Variants in DYNC2I2 observed in about 807,000 individuals in gnomAD.
The protein encoded by DYNC2I2 is cytoplasmic dynein 2 intermediate chain 2.
Under a neutral mutation model 52.0 loss-of-function variants are expected in DYNC2I2, and 39 were observed. That is an observed-to-expected ratio of 0.75 (90% CI 0.58 to 0.98). DYNC2I2 has a LOEUF of 0.98. Ranked by LOEUF, DYNC2I2 falls within the 50% of genes least tolerant of loss-of-function variation. DYNC2I2 has a pLI of 0.00. For missense variants in DYNC2I2, 743 were observed against 728.4 expected (o/e 1.02, Z -0.23); for synonymous variants, 359 against 321.1 (o/e 1.12, Z -1.26).
upstream of DYNC2I2, among the ~76,000 whole-genome samples, chr9:128,660,675 A>G (rs1860907480): frequency 1.3e-5 from 2 of 152,054 alleles, no homozygotes; most frequent in Non-Finnish European, 2.9e-5. Context: ...GATTATAGGC[A>G]TGGGCCACCA....
chr9:128,646,610 CTT>C (rs1056950949), intron 1 of DYNC2I2, among the ~76,000 whole-genome samples: 57 of 152,206 alleles, frequency 3.7e-4, no homozygotes, highest in South Asian at 2.1e-4. Context: ...GGCTGACTCT[CTT>C]GTTAGGGGCT....
rs964992082 is a variant in DYNC2I2, at chr9:128,636,233, G to A, written c.703+48C>T. On this transcript the variant is annotated intron_variant, in intron 4 of 8. Transcript: ENST00000372715. ...CTCCCTTGTGCCCTCTGCAGGGCGG[G>A]AAGCTGAGTCCTGAGAGGAGAGGAG... 3 of 1,551,510 alleles carry A rather than the reference G, an allele frequency of 1.9e-6. No individual in the cohort carries two copies. In the African/African-American group the frequency reaches 4.1e-5, roughly 21 times the overall value.
At chr9:128,671,744 T>G in the DYNC2I2 span, among the ~76,000 whole-genome samples, 1 of 150,740 alleles carries the variant, frequency 6.6e-6, no homozygotes. Context: ...CTCTGCCTCC[T>G]GGGTTCAAGC....
intron 1 of DYNC2I2, among the ~76,000 whole-genome samples, chr9:128,645,454 A>G (rs919827287): frequency 6.7e-6 from 1 of 150,322 alleles, no homozygotes; most frequent in Admixed American, 6.7e-5. Flanking sequence ...TCTGTCTCAA[A>G]AAAAAAAAAA....
upstream of DYNC2I2, among the ~76,000 whole-genome samples, chr9:128,661,614 G>C (rs1474008803): frequency 6.6e-6 from 1 of 151,952 alleles, no homozygotes; most frequent in Non-Finnish European, 1.5e-5. Flanking sequence ...GTGAAACTCT[G>C]TCTCAGAAAA....
chr9:128,642,935 G>A (rs1007480740), intron 1 of DYNC2I2, among the ~76,000 whole-genome samples: 2 of 152,132 alleles, frequency 1.3e-5, no homozygotes, highest in African/African-American at 2.4e-5. Context: ...GCAGAGGCAC[G>A]AGAAAGGAAG....
chr9:128,674,886 C>G, the DYNC2I2 span, among the ~76,000 whole-genome samples: 2 of 152,000 alleles, frequency 1.3e-5, no homozygotes, highest in African/African-American at 2.4e-5. Flanking sequence ...CCAATGATAA[C>G]TTTTTAAGGA....
chr9:128,668,404 G>A, the DYNC2I2 span, among the ~76,000 whole-genome samples: 8 of 152,036 alleles, frequency 5.3e-5, no homozygotes, highest in African/African-American at 1.9e-4. Flanking sequence ...TGGCCAGGAT[G>A]GTCTCCATCT....
At chr9:128,635,000 G>GGGA in intron 6 of DYNC2I2, 79 bp from the exon 7 acceptor site, 2 of 1,586,842 alleles carry the variant, frequency 1.3e-6, no homozygotes, top group Admixed American at 3.4e-5. Flanking sequence ...AGAACAGGAG[G>GGGA]GGAGATCACA....
chr9:128,660,789 G>A (rs1327092489), upstream of DYNC2I2, among the ~76,000 whole-genome samples: 1 of 151,858 alleles, frequency 6.6e-6, no homozygotes, highest in African/African-American at 2.4e-5. Context: ...AAGTGTAGTG[G>A]CACAATCTCG....
chr9:128,657,679 G>T (rs567589359), upstream of DYNC2I2, among the ~76,000 whole-genome samples: 1 of 151,986 alleles, frequency 6.6e-6, no homozygotes, highest in Admixed American at 6.6e-5. Flanking sequence ...ATGGTGGCAC[G>T]TGCCTGTAGT....
intron 1 of DYNC2I2, among the ~76,000 whole-genome samples, chr9:128,643,949 G>A (rs1860565046): frequency 6.6e-6 from 1 of 152,172 alleles, no homozygotes. Flanking sequence ...CCCAGAGCTG[G>A]AGGAGGCTGC....
At chr9:128,635,328 T>A (rs780634383) in intron 5 of DYNC2I2, 69 bp from the exon 6 acceptor site, 1 of 1,514,278 alleles carries the variant, frequency 6.6e-7, no homozygotes, top group Non-Finnish European at 8.9e-7. Context: ...GCTCCACCCC[T>A]ACCCTCCCTC....
At chr9:128,649,104 T>C (rs193207342) in intron 1 of DYNC2I2, among the ~76,000 whole-genome samples, 15 of 152,300 alleles carry the variant, frequency 9.8e-5, no homozygotes, top group Admixed American at 7.9e-4. Context: ...CGGTGATGAC[T>C]GTGCACTGGA....
At chr9:128,653,471 T>C (rs1225137671) in intron 1 of DYNC2I2, among the ~76,000 whole-genome samples, 1 of 150,856 alleles carries the variant, frequency 6.6e-6, no homozygotes, top group Non-Finnish European at 1.5e-5. Flanking sequence ...TCCCAGCACT[T>C]TGGGTGGCCG....
At chr9:128,665,359 G>C in the DYNC2I2 span, among the ~76,000 whole-genome samples, 3,843 of 152,058 alleles carry the variant, frequency 0.025, 167 homozygotes, top group African/African-American at 0.088. Context: ...CCAAATCTGT[G>C]AATTTCAAAG....
the DYNC2I2 span, among the ~76,000 whole-genome samples, chr9:128,665,114 G>A: frequency 3.4e-5 from 5 of 147,670 alleles, no homozygotes; most frequent in Non-Finnish European, 7.4e-5. Context: ...GTACATTGGC[G>A]CAATCTCGGC....
chr9:128,656,741 C>T lies in DYNC2I2; in HGVS notation c.-15G>A. ...CGGGTTGCCATGGAGACGGTTCCGC[C>T]CTCTCGTGCGGACGCACTCAGGCGC... On this transcript the variant is annotated 5_prime_UTR_variant, in exon 1 of 9. Coordinates refer to ENST00000372715, the MANE Select transcript of DYNC2I2 (RefSeq NM_052844.4). 1 of 1,367,142 alleles carries T rather than the reference C, an allele frequency of 7.3e-7. No homozygotes were observed. Among genetic ancestry groups the T allele is most frequent in the South Asian group, 1.7e-5 (1 of 57,294 alleles). The allele number at this position is 1,367,142 out of a possible 1,614,324, so 84.7% of individuals were successfully genotyped here. A position where few individuals can be genotyped will look rare whatever the true frequency, so the allele number is the denominator to read the frequency against.
chr9:128,666,325 T>A, the DYNC2I2 span, among the ~76,000 whole-genome samples: 2 of 141,526 alleles, frequency 1.4e-5, no homozygotes, highest in Non-Finnish European at 3.0e-5. Flanking sequence ...GAGGTTGCAG[T>A]GAACCAAGAT....
Sources: allele counts gnomAD v4.1 joint callset (sites outside exome capture counted in the v4.1 genomes callset), GRCh38; gene constraint gnomAD v4.1.1; transcripts MANE v1.5; gene names NCBI Gene and HGNC (gene_info 2026-07-23, HGNC 2026-07-21).